The following PTPA variants were observed in gnomAD, a reference collection of about 807,000 sequenced individuals.
PTPA encodes serine/threonine-protein phosphatase 2A activator.
A neutral mutation model predicts 43.6 loss-of-function variants in PTPA; 13 were observed. That is an observed-to-expected ratio of 0.30 (90% CI 0.19 to 0.47). The LOEUF (loss-of-function observed/expected upper bound fraction) is 0.47, where lower values mean the gene tolerates loss of function less well. PTPA is among the 20% of genes least tolerant of loss of function. PTPA has a pLI of 0.99. For synonymous variants in PTPA, 172 were observed against 158.2 expected, an observed-to-expected ratio of 1.09 and a Z score of -0.66; for missense variants, 329 against 411.9, an observed-to-expected ratio of 0.80 and a Z score of 1.74.
At chr9:129,112,717 T>C (rs2131527977) in intron 1 of PTPA, among the ~76,000 whole-genome samples, 1 of 152,220 alleles carries the variant, frequency 6.6e-6, no homozygotes, top group Admixed American at 6.5e-5. Flanking sequence ...CGAGGCGGGC[T>C]GATCACCTGA....
chr9:129,137,496 G>A, intron 7 of PTPA, 96 bp from the exon 8 acceptor site: 2 of 929,834 alleles, frequency 2.2e-6, no homozygotes, highest in Middle Eastern at 5.2e-4. Context: ...ACCACGGGCA[G>A]GACTGAGGCC....
chr9:129,118,523 G>A lies in PTPA; in HGVS notation c.32-1990G>A, dbSNP rs747482499. On this transcript the variant is annotated intron_variant, in intron 1 of 9. Coordinates refer to ENST00000393370, the MANE Select transcript of PTPA (RefSeq NM_178000.3). ...CAAGTAGCTGGGATTATAGGCATGC[G>A]CCACCACACCTGAATAATTTTATAT... Among the ~76,000 whole-genome samples the A allele has an allele frequency of 3.2e-4, 48 of 151,864 alleles. 1 individual carries two copies. Among genetic ancestry groups the A allele is most frequent in the South Asian group, 2.1e-4 (1 of 4,816 alleles).
At chr9:129,144,759 C>T (rs1471606641) in intron 9 of PTPA, among the ~76,000 whole-genome samples, 1 of 142,708 alleles carries the variant, frequency 7.0e-6, no homozygotes, top group Non-Finnish European at 1.5e-5. Context: ...AAAAAAAGAT[C>T]ACCAAGTCTT....
intron 6 of PTPA, among the ~76,000 whole-genome samples, 186 bp downstream of exon 6, chr9:129,135,080 C>T (rs1280600756): frequency 1.3e-5 from 2 of 152,146 alleles, no homozygotes; most frequent in Non-Finnish European, 2.9e-5. Context: ...AAATTAACCT[C>T]CAAGTAAAAG....
intron 7 of PTPA, 132 bp downstream of exon 7, chr9:129,136,727 G>GTCTAATGCCCT: frequency 8.3e-7 from 1 of 1,205,410 alleles, no homozygotes; most frequent in Non-Finnish European, 1.1e-6. Flanking sequence ...TGGAAAGCAG[G>GTCTAATGCCCT]GCATTAGACC....
chr9:129,136,818 G>A lies in PTPA; in HGVS notation c.685+223G>A, dbSNP rs182488165. Among the ~76,000 whole-genome samples the A allele has an allele frequency of 1.5e-4, 23 of 152,352 alleles. No homozygotes were observed. The East Asian group carries it at 3.1e-3, about 20-fold the overall frequency. On this transcript the variant is annotated intron_variant, in intron 7 of 9. Coordinates refer to ENST00000393370, the MANE Select transcript of PTPA (RefSeq NM_178000.3). ...GGGCTGGAGGAGGCGGAGGCCAAGC[G>A]CCACCAAGATAATGGGAAGTGACAT... is the stretch of plus-strand genomic sequence containing the variant.
intron 6 of PTPA, 56 bp from the exon 7 acceptor site, chr9:129,136,415 G>A (rs1233818651): frequency 1.3e-6 from 2 of 1,559,236 alleles, no homozygotes; most frequent in African/African-American, 1.4e-5. Flanking sequence ...TGGCCGAAAG[G>A]GTGAGACTGT....
At chr9:129,123,209 C>T (rs376407698) in intron 3 of PTPA, 71 bp downstream of exon 3, 1 of 1,357,104 alleles carries the variant, frequency 7.4e-7, no homozygotes, top group Non-Finnish European at 1.0e-6. Context: ...TGCGGTGGCT[C>T]ACCTCTGTAA....
rs1284364492 is a variant in PTPA, at chr9:129,148,405, T to A, written c.*941T>A. The A allele has an allele frequency of 6.5e-6, 1 of 152,754 alleles. No individual in the cohort carries two copies. The highest frequency in any genetic ancestry group is 2.4e-5 in the African/African-American group (1 of 41,424). The allele number at this position is 152,754 out of a possible 1,614,324, so 9.5% of individuals were successfully genotyped here. A position where few individuals can be genotyped will look rare whatever the true frequency, so the allele number is the denominator to read the frequency against. On this transcript the variant is annotated 3_prime_UTR_variant, in exon 10 of 10. Coordinates refer to ENST00000393370, the MANE Select transcript of PTPA (RefSeq NM_178000.3). ...CTTTGCGCTGCTGTGAGCCTCACCC[T>A]GGGCCCCTGGGCCCTGCTTCTCTGC... is the stretch of plus-strand genomic sequence containing the variant.
At chr9:129,128,929 G>T in intron 3 of PTPA, 56 bp from the exon 4 acceptor site, 1 of 1,603,090 alleles carries the variant, frequency 6.2e-7, no homozygotes, top group Non-Finnish European at 8.5e-7. Context: ...TTCCCTCTGT[G>T]GCTAAGCGGG....
chr9:129,113,599 G>A (rs1379403808), intron 1 of PTPA, among the ~76,000 whole-genome samples: 5 of 151,750 alleles, frequency 3.3e-5, no homozygotes, highest in Admixed American at 1.3e-4. Context: ...GCAAAACCCC[G>A]TCTGTATTCA....
chr9:129,143,498 T>G, intron 9 of PTPA: 3 of 699,072 alleles, frequency 4.3e-6, no homozygotes, highest in Non-Finnish European at 5.2e-6. Flanking sequence ...CAGAGCTTCC[T>G]GGATCCCATC....
At chr9:129,127,216 G>A (rs1290475088) in intron 3 of PTPA, among the ~76,000 whole-genome samples, 1 of 152,144 alleles carries the variant, frequency 6.6e-6, no homozygotes, top group African/African-American at 2.4e-5. Context: ...TAGATAAAGG[G>A]GAGATAAGAG....
intron 9 of PTPA, among the ~76,000 whole-genome samples, chr9:129,144,736 CAAA>C (rs35064318): frequency 3.0e-3 from 327 of 107,984 alleles, no homozygotes; most frequent in African/African-American, 6.1e-3. Context: ...GAGACTCTCT[CAAA>C]AAAAAAAAAA....
At chr9:129,130,892 A>G (rs147609606) in intron 4 of PTPA, among the ~76,000 whole-genome samples, 330 of 152,264 alleles carry the variant, frequency 2.2e-3, no homozygotes, top group African/African-American at 7.6e-3. Flanking sequence ...TATTCCATAA[A>G]TTGATTTTTT....
chr9:129,121,962 C>T (rs750481480), intron 2 of PTPA, among the ~76,000 whole-genome samples: 2 of 152,148 alleles, frequency 1.3e-5, no homozygotes, highest in Non-Finnish European at 2.9e-5. Flanking sequence ...GATATCAGGG[C>T]TTGTCTCAGG....
chr9:129,135,649 GGCA>G (rs1850318025), intron 6 of PTPA, among the ~76,000 whole-genome samples: 1 of 152,238 alleles, frequency 6.6e-6, no homozygotes, highest in Admixed American at 6.5e-5. Flanking sequence ...CCAGTCGCTG[GGCA>G]GCACTGATGT....
Position 129,120,583 on chromosome 9 carries a change from A to G in PTPA, c.102A>G (p.Pro34=). 2.5e-6 allele frequency: 4 copies of G among 1,613,698 alleles called. No individual in the cohort carries two copies. Among genetic ancestry groups the G allele is most frequent in the Non-Finnish European group, 3.4e-6 (4 of 1,179,652 alleles). Residue 34 remains proline, a synonymous_variant, in exon 2 of 10, where the codon CCA becomes CCG. Coordinates refer to ENST00000393370, the MANE Select transcript of PTPA (RefSeq NM_178000.3). ...IIPKKEIHTV[P]DMGKWKRSQA... ...CAAAAAAGGAGATCCACACAGTTCC[A>G]GACATGGGCAAATGGAAGCGTTCTC...
upstream of PTPA, chr9:129,111,177 G>T: frequency 8.7e-7 from 1 of 1,145,364 alleles, no homozygotes; most frequent in Non-Finnish European, 1.2e-6. Flanking sequence ...ATGACAGGTG[G>T]TACTCCGGGA....
Sources: gnomAD v4.1 joint callset for allele counts (sites outside exome capture counted in the v4.1 genomes callset) on GRCh38, gnomAD v4.1.1 for gene constraint, MANE v1.5 for transcripts, NCBI Gene and HGNC (gene_info 2026-07-23, HGNC 2026-07-21) for gene names.